Variants in CD8B observed in about 807,000 individuals in gnomAD.
CD8B encodes T-cell surface glycoprotein CD8 beta chain.
A neutral mutation model predicts 24.2 loss-of-function variants in CD8B; 6 were observed. The ratio of observed to expected loss-of-function variants is 0.25; its 90% CI spans 0.14 to 0.49. CD8B has a LOEUF of 0.49. Among genes scored for constraint, CD8B ranks in the 20% least tolerant of loss-of-function variants. The probability of loss-of-function intolerance (pLI) is 0.98; values close to 1 mark genes in which losing one functional copy is unlikely to be tolerated. For missense variants in CD8B, 196 were observed against 271.3 expected (o/e 0.72, Z 1.95); for synonymous variants, 84 against 108.3 (o/e 0.78, Z 1.39).
At chr2:86,853,958 C>T (rs1299963843) in intron 2 of CD8B, among the ~76,000 whole-genome samples, 1 of 152,056 alleles carries the variant, frequency 6.6e-6, no homozygotes, top group Non-Finnish European at 1.5e-5. Context: ...CCAGGCTGGT[C>T]TTGAACTCCT....
rs56063487 is a variant in CD8B, at chr2:86,839,727, A to T, written c.*2580T>A. On this transcript the variant is annotated 3_prime_UTR_variant, in exon 6 of 6. Coordinates refer to ENST00000390655, the MANE Select transcript of CD8B (RefSeq NM_004931.5). ...AACAAGTACATGCAATTGCAAAGAC[A>T]GCAGCAGGGAGACGGTCAAATTTCA... is the stretch of plus-strand genomic sequence containing the variant. Among the ~76,000 whole-genome samples the T allele has an allele frequency of 0.67, 101,220 of 151,562 alleles. 33,423 individuals carry two copies. The highest frequency in any genetic ancestry group is 0.81 in the East Asian group (4,195 of 5,182).
chr2:86,848,809 TG>T (rs1217111488), intron 3 of CD8B, among the ~76,000 whole-genome samples: 1 of 151,438 alleles, frequency 6.6e-6, no homozygotes, highest in Admixed American at 6.6e-5. Flanking sequence ...CTCTGCCTCC[TG>T]GGTTCAAGCG....
At chr2:86,856,830 G>A (rs1334402272) in intron 2 of CD8B, among the ~76,000 whole-genome samples, 4 of 149,040 alleles carry the variant, frequency 2.7e-5, no homozygotes, top group Non-Finnish European at 5.9e-5. Context: ...AATGCTCATC[G>A]AACACTTAGT....
At position 86,840,816 on chromosome 2, in the gene CD8B, C is replaced by T. The variant is rs1675387466; in HGVS notation, c.*1491G>A. 2.0e-5 allele frequency among the ~76,000 whole-genome samples: 3 copies of T among 152,296 alleles called. No individual in the cohort carries two copies. The South Asian group carries it at 6.2e-4, about 32-fold the overall frequency. ...ATCTATGCCTTTCTAACTCCACCCA[C>T]CACACCTCATTCTGCTGCGGCCGCA... On this transcript the variant is annotated 3_prime_UTR_variant, in exon 6 of 6. Coordinates refer to ENST00000390655, the MANE Select transcript of CD8B (RefSeq NM_004931.5).
intron 5 of CD8B, among the ~76,000 whole-genome samples, chr2:86,818,901 G>C (rs1055604874): frequency 2.4e-4 from 37 of 152,162 alleles, no homozygotes; most frequent in African/African-American, 8.9e-4. Flanking sequence ...TAGAGAAAAA[G>C]TTCTTGAAGG....
At chr2:86,829,545 A>G (rs1165570452) in intron 5 of CD8B, among the ~76,000 whole-genome samples, 1 of 152,162 alleles carries the variant, frequency 6.6e-6, no homozygotes, top group African/African-American at 2.4e-5. Flanking sequence ...GCCTTTCTTT[A>G]TGGTCCAGGA....
downstream of CD8B, chr2:86,815,395 AG>A (rs1219101231): frequency 1.9e-6 from 1 of 529,510 alleles, no homozygotes; most frequent in African/African-American, 1.9e-5. Flanking sequence ...AATTTATTCA[AG>A]ATGGATACAT....
chr2:86,857,001 C>A (rs896595269), intron 2 of CD8B, among the ~76,000 whole-genome samples: 32 of 152,154 alleles, frequency 2.1e-4, no homozygotes, highest in African/African-American at 7.7e-4. Flanking sequence ...TTTAGAATTT[C>A]ATCTGTGGCT....
chr2:86,856,189 A>G (rs71211823), intron 2 of CD8B, among the ~76,000 whole-genome samples: 10 of 152,106 alleles, frequency 6.6e-5, no homozygotes, highest in Admixed American at 2.0e-4. Flanking sequence ...TGACATTCCT[A>G]TAGTGCTGGG....
At position 86,841,901 on chromosome 2, in the gene CD8B, C is replaced by G. The variant is rs183857447; in HGVS notation, c.*406G>C. The G allele has an allele frequency of 9.4e-4, 927 of 990,556 alleles. 10 individuals are homozygous for G. The African/African-American group carries it at 0.015, about 16-fold the overall frequency. 61.4% of individuals were successfully genotyped at this position (990,556 alleles called of 1,614,324 possible). On this transcript the variant is annotated 3_prime_UTR_variant, in exon 6 of 6. Coordinates refer to ENST00000390655, the MANE Select transcript of CD8B (RefSeq NM_004931.5). ...TGGGAAGACCAAGAGGGAGCCAGCC[C>G]AGCATCACCCCATGAAAGACCCAGG...
At chr2:86,825,359 C>T (rs1674636840) in intron 5 of CD8B, among the ~76,000 whole-genome samples, 1 of 152,150 alleles carries the variant, frequency 6.6e-6, no homozygotes, top group Admixed American at 6.5e-5. Flanking sequence ...CACCGTCCTC[C>T]AGGATCCCCC....
At chr2:86,845,022 G>A in intron 4 of CD8B, 64 bp from the exon 5 acceptor site, 3 of 1,550,508 alleles carry the variant, frequency 1.9e-6, no homozygotes, top group Admixed American at 2.0e-5. Flanking sequence ...GAGCCCCAGA[G>A]GCCAAGGAGG....
rs1675262909 is a variant in CD8B, at chr2:86,838,384, C to T, written c.*3923G>A. ...TATTAGAGAAAAAAGATCAAATCTG[C>T]AGAACAATATTAGAAGATGTAATTT... On this transcript the variant is annotated 3_prime_UTR_variant, in exon 6 of 6. Coordinates refer to ENST00000390655, the MANE Select transcript of CD8B (RefSeq NM_004931.5). Among the ~76,000 whole-genome samples the T allele has an allele frequency of 1.3e-5, 2 of 151,778 alleles. No individual in the cohort carries two copies. Among genetic ancestry groups the T allele is most frequent in the African/African-American group, 2.4e-5 (1 of 41,286 alleles).
downstream of CD8B, among the ~76,000 whole-genome samples, chr2:86,834,453 C>T (rs1202107820): frequency 6.8e-6 from 1 of 146,328 alleles, no homozygotes; most frequent in Non-Finnish European, 1.5e-5. Flanking sequence ...ACGTGTGAAT[C>T]AGCTTTCTTC....
intron 5 of CD8B, among the ~76,000 whole-genome samples, chr2:86,819,397 C>G (rs1366682109): frequency 6.6e-6 from 1 of 152,168 alleles, no homozygotes; most frequent in African/African-American, 2.4e-5. Flanking sequence ...CAGCCTGCCT[C>G]TCTTGTTAGG....
Position 86,840,489 on chromosome 2 carries a change from G to A in CD8B, c.*1818C>T, listed in dbSNP as rs1271682714. On this transcript the variant is annotated 3_prime_UTR_variant, in exon 6 of 6. Transcript: ENST00000390655. ...CCAAGCACGGGCCATCCCTTCATCC[G>A]CATAGGGCGTCAATTCACCTCAGCC... Among the ~76,000 whole-genome samples the A allele has an allele frequency of 3.9e-5, 6 of 152,260 alleles. No individual in the cohort carries two copies. The highest frequency in any genetic ancestry group is 3.9e-4 in the East Asian group (2 of 5,178).
At chr2:86,833,438 C>T (rs1005647395), downstream of CD8B, among the ~76,000 whole-genome samples, 3 of 150,724 alleles carry the variant, frequency 2.0e-5, no homozygotes, top group Admixed American at 6.6e-5. Flanking sequence ...CTTGGCCTCC[C>T]GAAGTACTGA....
At chr2:86,853,855 A>ACCACTGCATTCGTCGTG (rs758218820) in intron 2 of CD8B, among the ~76,000 whole-genome samples, 11 of 151,980 alleles carry the variant, frequency 7.2e-5, no homozygotes, top group Non-Finnish European at 1.3e-4. Flanking sequence ...ACAGGCACGT[A>ACCACTGCATTCGTCGTG]CCACTGCATT....
Position 86,853,023 on chromosome 2 carries a change from C to T in CD8B, c.467G>A (p.Arg156Gln), listed in dbSNP as rs372481831. The change falls in exon 3 of 6, where the codon CGG becomes CAG. Residue 156 changes from arginine (R) to glutamine (Q), a missense_variant. Physicochemically the swap from Arg to Gln is conservative, Grantham distance 43 (BLOSUM62 1). Transcript: ENST00000390655. ...KKSTLKKRVCRLPRPETQKGP... is the reference protein window; with the variant it reads ...KKSTLKKRVCQLPRPETQKGP... ...CTTCTGGGTCTCTGGCCTGGGTAAC[C>T]GGCACACTCTCTTCTTGAGGGTGGA... 2.4e-4 allele frequency: 366 copies of T among 1,536,330 alleles called. No homozygotes were observed. The South Asian group carries it at 3.8e-3, about 16-fold the overall frequency.
Sources: gnomAD v4.1 joint callset for allele counts (sites outside exome capture counted in the v4.1 genomes callset) on GRCh38, gnomAD v4.1.1 for gene constraint, MANE v1.5 for transcripts, NCBI Gene and HGNC (gene_info 2026-07-23, HGNC 2026-07-21) for gene names.